MYO15B: variants seen among roughly 807,000 people sequenced by gnomAD.
The protein encoded by MYO15B is myosin XVB pseudogene.
MYO15B carries 207 observed loss-of-function variants against 119.3 expected under a neutral mutation model. That is an observed-to-expected ratio of 1.73 (90% confidence interval 1.55 to 1.95). The LOEUF is 1.95. Ranked by LOEUF, MYO15B falls within the 30% of genes most tolerant of loss-of-function variation. The pLI is 0.00. For missense variants in MYO15B, 2,264 were observed against 1,203.1 expected (o/e 1.88, Z -13.04); for synonymous variants, 966 against 498.9 (o/e 1.94, Z -12.48).
chr17:75,590,838 G>A, intron 2 of MYO15B, 69 bp from the exon 3 acceptor site: 1 of 267,756 alleles, frequency 3.7e-6, no homozygotes, highest in Non-Finnish European at 7.2e-6. Context: ...GTGGGACTGA[G>A]GGGCTGGGCT....
intron 14 of MYO15B, among the ~76,000 whole-genome samples, chr17:75,599,659 A>G (rs1330445356): frequency 6.6e-6 from 1 of 151,670 alleles, no homozygotes; most frequent in Non-Finnish European, 1.5e-5. Context: ...GTAATCCCAG[A>G]ACTTTGGGAG....
In MYO15B at chr17:75,594,633, C is replaced by T. The variant is rs1311630846; in HGVS notation, c.3105+45C>T. The stretch of plus-strand genomic sequence containing the variant: ...GGAGAGGGGCCTGGCCTGGCTGACC[C>T]ACAGGCTGAGTAAGCACCATGAGGG... On this transcript the variant is annotated intron_variant, in intron 10 of 63. Coordinates refer to ENST00000645453, the Ensembl canonical transcript of MYO15B. 4 of 697,046 alleles carry T rather than the reference C, an allele frequency of 5.7e-6. No homozygotes were observed. The East Asian group carries it at 1.1e-4, about 19-fold the overall frequency. 43.2% of individuals were successfully genotyped at this position (697,046 alleles called of 1,614,324 possible). A position where few individuals can be genotyped will look rare whatever the true frequency, so the allele number is the denominator to read the frequency against.
At chr17:75,587,994 G>A (rs1187179093) in exon 1 of MYO15B, 1 of 397,878 alleles carries the variant, frequency 2.5e-6, no homozygotes, top group Admixed American at 4.4e-5. Context: ...CACCGCGGGA[G>A]GCCAAATCCC....
chr17:75,608,179 C>T (rs531884998), intron 21 of MYO15B, among the ~76,000 whole-genome samples: 28 of 152,136 alleles, frequency 1.8e-4, no homozygotes, highest in African/African-American at 6.3e-4. Context: ...AGTGCAGTGG[C>T]GCCATCTCAG....
chr17:75,603,364 C>T, intron 19 of MYO15B, 52 bp downstream of exon 19: 1 of 695,484 alleles, frequency 1.4e-6, no homozygotes, highest in Non-Finnish European at 2.6e-6. Flanking sequence ...CCGGGAGTGA[C>T]TGGCAGCCCC....
At chr17:75,608,389 C>T (rs781121551) in intron 21 of MYO15B, among the ~76,000 whole-genome samples, 1 of 152,068 alleles carries the variant, frequency 6.6e-6, no homozygotes, top group Non-Finnish European at 1.5e-5. Context: ...TCCCAAAGTA[C>T]TGGGATTACA....
In MYO15B at chr17:75,589,127, G is replaced by C. The variant is rs1426257858; in HGVS notation, c.1070G>C (p.Gly357Ala). 2.6e-6 allele frequency: 1 copy of C among 391,340 alleles called. No individual in the cohort carries two copies. The highest frequency in any genetic ancestry group is 4.5e-6 in the Non-Finnish European group (1 of 221,306). 24.2% of individuals were successfully genotyped at this position (391,340 alleles called of 1,614,324 possible). The change falls in exon 1 of 64, where the codon GGC becomes GCC. Residue 357 changes from glycine (G) to alanine (A), a missense_variant. Gly to Ala is a moderately conservative substitution (Grantham distance 60, BLOSUM62 0). Transcript: ENST00000645453. This position sits in a 1 kb window ranked among gnomAD's most constrained non-coding sequence, Gnocchi z 4.2. The stretch of plus-strand genomic sequence containing the variant: ...CCAGGCGCCGCTTCCCAGGCCGTGG[G>C]CCCCCGCCGCGCTGGCCTCAAGGAG...
In MYO15B at chr17:75,616,067, A is replaced by G. The variant is rs1011892388; in HGVS notation, c.6031-2A>G. ...GCTGCCACTCATTTCTGCTTCTGCC[A>G]GGAGACCTCCGAGGAGGCTGAAGAC... is the stretch of plus-strand genomic sequence containing the variant. On this transcript the variant is annotated splice_acceptor_variant, in intron 36 of 63. Transcript: ENST00000645453. LOFTEE classifies it high-confidence loss of function. 22 of 580,066 alleles carry G rather than the reference A, an allele frequency of 3.8e-5. No individual in the cohort carries two copies. The highest frequency in any genetic ancestry group is 5.8e-5 in the Non-Finnish European group (19 of 326,780). 35.9% of individuals were successfully genotyped at this position (580,066 alleles called of 1,614,324 possible). A position where few individuals can be genotyped will look rare whatever the true frequency, so the allele number is the denominator to read the frequency against.
chr17:75,593,121 A>T, intron 9 of MYO15B: 1 of 215,910 alleles, frequency 4.6e-6, no homozygotes, highest in Non-Finnish European at 8.8e-6. Flanking sequence ...GCACTTTGGG[A>T]GGCCGAGGCA....
In MYO15B at chr17:75,591,313, G is replaced by A. The variant is rs922991242; in HGVS notation, c.2435+67G>A. On this transcript the variant is annotated intron_variant, in intron 4 of 63. Coordinates refer to ENST00000645453, the Ensembl canonical transcript of MYO15B. ...ACTGAGGGTTGATGGGGCGGGGCCT[G>A]AGGTCTTCACTGGAAGCCACTGGTA... 4 of 689,004 alleles carry A rather than the reference G, an allele frequency of 5.8e-6. No individual in the cohort carries two copies. The African/African-American group carries it at 7.0e-5, about 12-fold the overall frequency. 42.7% of individuals were successfully genotyped at this position (689,004 alleles called of 1,614,324 possible).
exon 47 of MYO15B, chr17:75,619,967 C>T (rs1469167513): frequency 1.6e-5 from 11 of 702,672 alleles, no homozygotes; most frequent in South Asian, 7.4e-5. Flanking sequence ...GCACACAGCC[C>T]GGGCAAGGGC....
rs554537957 is a variant in MYO15B, at chr17:75,620,915, T to C, written c.7726-116T>C. The C allele has an allele frequency of 3.2e-4, 228 of 702,174 alleles. 1 individual carries two copies. Among genetic ancestry groups the C allele is most frequent in the Non-Finnish European group, 5.5e-4 (211 of 384,968 alleles). The allele number at this position is 702,174 out of a possible 1,614,324, so 43.5% of individuals were successfully genotyped here. A position where few individuals can be genotyped will look rare whatever the true frequency, so the allele number is the denominator to read the frequency against. The stretch of plus-strand genomic sequence containing the variant: ...ATGCTTAATAAACAGCTCTTCACTT[T>C]CCTGGCTTCTGGTCTTGCTCCTTTG... On this transcript the variant is annotated intron_variant, in intron 49 of 63. Coordinates refer to ENST00000645453, the Ensembl canonical transcript of MYO15B.
intron 33 of MYO15B, 91 bp from the exon 34 acceptor site, chr17:75,615,149 C>T (rs543674056): frequency 3.1e-4 from 207 of 677,218 alleles, no homozygotes; most frequent in Admixed American, 6.1e-4. Context: ...GCCAGCACCC[C>T]GGTGCCCGAT....
chr17:75,611,928 C>T (rs577181241), exon 25 of MYO15B: 65 of 702,962 alleles, frequency 9.2e-5, no homozygotes, highest in Admixed American at 3.4e-4. Flanking sequence ...GAGTGCCTGC[C>T]GCCTGAGGTT....
At chr17:75,588,431 G>C (rs1359346085) in exon 1 of MYO15B, 2 of 398,374 alleles carry the variant, frequency 5.0e-6, no homozygotes, top group African/African-American at 4.1e-5. Flanking sequence ...GGCGGCCGCC[G>C]TAGGAGGAAG....
chr17:75,621,847 A>G, intron 52 of MYO15B, 157 bp from the exon 53 acceptor site: 1 of 617,460 alleles, frequency 1.6e-6, no homozygotes, highest in East Asian at 2.7e-5. Context: ...CAGTTTCCCC[A>G]TGAGTCGAGC....
At position 75,590,140 on chromosome 17, in the gene MYO15B, G is replaced by T. The variant is rs751890508; in HGVS notation, c.2083G>T (p.Glu695Ter). The change falls in exon 1 of 64, where the codon GAG becomes TAG. Residue 695 changes from glutamate (E) to a stop codon, truncating the protein, a stop_gained. Coordinates refer to ENST00000645453, the Ensembl canonical transcript of MYO15B. LOFTEE classifies it high-confidence loss of function. ...CGAGGCGGTGCTGGAGAGGGACCTGGAGCTGAGCCTCCGGCCGGGCCTGGA... is the reference window on the plus strand; with the variant it reads ...CGAGGCGGTGCTGGAGAGGGACCTGTAGCTGAGCCTCCGGCCGGGCCTGGA... The T allele has an allele frequency of 4.3e-5, 17 of 398,974 alleles. No homozygotes were observed. Among genetic ancestry groups the T allele is most frequent in the Non-Finnish European group, 7.1e-5 (16 of 226,096 alleles). 24.7% of individuals were successfully genotyped at this position (398,974 alleles called of 1,614,324 possible). A position where few individuals can be genotyped will look rare whatever the true frequency, so the allele number is the denominator to read the frequency against.
chr17:75,605,642 G>A, intron 20 of MYO15B, 21 bp downstream of exon 20: 1 of 702,714 alleles, frequency 1.4e-6, no homozygotes, highest in Non-Finnish European at 2.6e-6. Context: ...GTATCCCTGT[G>A]TGCAGAGGGC....
exon 24 of MYO15B, chr17:75,611,624 G>C (rs754719413): frequency 2.8e-6 from 2 of 702,790 alleles, no homozygotes; most frequent in Non-Finnish European, 2.6e-6. Flanking sequence ...TGGAGATCCC[G>C]GCTGAGCTGG....
Sources: allele counts gnomAD v4.1 joint callset (sites outside exome capture counted in the v4.1 genomes callset), GRCh38; gene constraint gnomAD v4.1.1; non-coding constraint Gnocchi (gnomAD v3.1); transcripts MANE v1.5; gene names NCBI Gene and HGNC (gene_info 2026-07-23, HGNC 2026-07-21).